The following PLCB1 variants were observed in gnomAD, a reference collection of about 807,000 sequenced individuals.
PLCB1 encodes 1-phosphatidylinositol 4,5-bisphosphate phosphodiesterase beta-1.
A neutral mutation model predicts 161.8 loss-of-function variants in PLCB1; 46 were observed. That is an observed-to-expected ratio of 0.28 (90% CI 0.22 to 0.36). PLCB1 has a LOEUF of 0.36. Ranked by LOEUF, PLCB1 falls within the 10% of genes least tolerant of loss-of-function variation. PLCB1 has a pLI of 1.00. For missense variants in PLCB1, 1,016 were observed against 1,472.5 expected, an observed-to-expected ratio of 0.69 and a Z score of 5.07; for synonymous variants, 517 against 503.7, an observed-to-expected ratio of 1.03 and a Z score of -0.35.
At chr20:8,318,736 A>G (rs1342228732) in intron 2 of PLCB1, among the ~76,000 whole-genome samples, 1 of 152,204 alleles carries the variant, frequency 6.6e-6, no homozygotes, top group Admixed American at 6.5e-5. Context: ...AAAGCAACTA[A>G]GAAAAAATTG....
intron 31 of PLCB1, among the ~76,000 whole-genome samples, chr20:8,864,420 G>T (rs6086663): frequency 0.3 from 45,060 of 151,816 alleles, 7,682 homozygotes; most frequent in East Asian, 0.67. Flanking sequence ...ATTATTTTAT[G>T]TTTCACATTC....
intron 27 of PLCB1, among the ~76,000 whole-genome samples, chr20:8,774,964 CTT>C (rs1739534069): frequency 6.6e-6 from 1 of 151,970 alleles, no homozygotes; most frequent in South Asian, 2.1e-4. Flanking sequence ...TTTTCACTAA[CTT>C]ATGTTGAGTT....
chr20:8,169,716 A>C (rs928348593), intron 2 of PLCB1, among the ~76,000 whole-genome samples: 1 of 152,154 alleles, frequency 6.6e-6, no homozygotes, highest in Non-Finnish European at 1.5e-5. Flanking sequence ...TCAGACTCCC[A>C]GGAACTTGGA....
At chr20:8,508,930 G>A (rs1433433099) in intron 3 of PLCB1, among the ~76,000 whole-genome samples, 1 of 152,170 alleles carries the variant, frequency 6.6e-6, no homozygotes, top group African/African-American at 2.4e-5. Context: ...GAATTGCCAG[G>A]AAACAATGAC....
chr20:8,164,686 A>C (rs10485721), intron 2 of PLCB1, among the ~76,000 whole-genome samples: 23,964 of 152,184 alleles, frequency 0.16, 2,357 homozygotes, highest in Admixed American at 0.24. Context: ...CAAGGATGTA[A>C]TATCTGGACT....
intron 2 of PLCB1, among the ~76,000 whole-genome samples, chr20:8,211,973 T>C (rs1978848491): frequency 6.6e-6 from 1 of 152,158 alleles, no homozygotes; most frequent in Non-Finnish European, 1.5e-5. Flanking sequence ...GAAATATGAA[T>C]GTCATTGTTT....
rs944568932 is a variant in PLCB1, at chr20:8,874,004, A to C, written c.3424-7618A>C. Among the ~76,000 whole-genome samples the C allele has an allele frequency of 2.6e-5, 4 of 152,072 alleles. No homozygotes were observed. The South Asian group carries it at 8.3e-4, about 31-fold the overall frequency. On this transcript the variant is annotated intron_variant, in intron 31 of 31. Coordinates refer to ENST00000338037, the MANE Select transcript of PLCB1 (RefSeq NM_015192.4). ...AGTGTTAAAAGACTATAAGGAATTA[A>C]ATTTTAAATATATGCAGCATGTATT...
At chr20:8,139,847 C>T (rs1013542359) in intron 1 of PLCB1, among the ~76,000 whole-genome samples, 1 of 152,178 alleles carries the variant, frequency 6.6e-6, no homozygotes, top group African/African-American at 2.4e-5. Context: ...AAAATCTGGA[C>T]TTCTAAAGCT....
chr20:8,202,745 T>C (rs1978328225), intron 2 of PLCB1, among the ~76,000 whole-genome samples: 1 of 152,144 alleles, frequency 6.6e-6, no homozygotes, highest in African/African-American at 2.4e-5. Flanking sequence ...GTAGATGGTT[T>C]GCCTGCAATA....
At chr20:8,189,265 GA>G (rs1402046333) in intron 2 of PLCB1, among the ~76,000 whole-genome samples, 1 of 151,058 alleles carries the variant, frequency 6.6e-6, no homozygotes, top group Non-Finnish European at 1.5e-5. Flanking sequence ...AGAGTTGGGG[GA>G]TGGGTAACTA....
At chr20:8,661,690 C>T (rs76102005) in intron 9 of PLCB1, among the ~76,000 whole-genome samples, 5,068 of 151,650 alleles carry the variant, frequency 0.033, 123 homozygotes, top group Middle Eastern at 0.065. Flanking sequence ...TTTAGTTCAG[C>T]GCACACTAGT....
At chr20:8,657,599 C>T (rs1284084291) in intron 8 of PLCB1, among the ~76,000 whole-genome samples, 4 of 151,958 alleles carry the variant, frequency 2.6e-5, no homozygotes, top group Non-Finnish European at 4.4e-5. Context: ...AGACTCATGT[C>T]GCAGGAAGAA....
chr20:8,838,675 T>C (rs947864755), intron 31 of PLCB1, among the ~76,000 whole-genome samples: 3 of 152,200 alleles, frequency 2.0e-5, no homozygotes, highest in African/African-American at 7.2e-5. Context: ...TCCTGAAGGA[T>C]GGCAGAGATT....
At chr20:8,712,982 C>G (rs1205846125) in intron 12 of PLCB1, among the ~76,000 whole-genome samples, 2 of 152,126 alleles carry the variant, frequency 1.3e-5, no homozygotes, top group East Asian at 3.9e-4. Flanking sequence ...TTCTGCAGTT[C>G]TGACCTGCAA....
chr20:8,350,750 T>C (rs866997304), intron 2 of PLCB1, among the ~76,000 whole-genome samples: 21 of 152,274 alleles, frequency 1.4e-4, no homozygotes, highest in African/African-American at 2.6e-4. Context: ...AAATTACTGT[T>C]AAAAATATCA....
chr20:8,451,090 T>C (rs1018303279), intron 3 of PLCB1, among the ~76,000 whole-genome samples: 1 of 152,168 alleles, frequency 6.6e-6, no homozygotes, highest in African/African-American at 2.4e-5. Context: ...AATATATAGA[T>C]TGTACATTTG....
chr20:8,290,367 G>A (rs1429306138), intron 2 of PLCB1, among the ~76,000 whole-genome samples: 1 of 152,166 alleles, frequency 6.6e-6, no homozygotes, highest in East Asian at 1.9e-4. Flanking sequence ...AGAGGAGGAA[G>A]CCAAATAGGG....
chr20:8,254,792 G>A (rs1981327046), intron 2 of PLCB1, among the ~76,000 whole-genome samples: 1 of 152,022 alleles, frequency 6.6e-6, no homozygotes, highest in Admixed American at 6.6e-5. Flanking sequence ...CAGGACATGG[G>A]AAAATGGTGT....
At chr20:8,306,920 C>T (rs975839762) in intron 2 of PLCB1, among the ~76,000 whole-genome samples, 1 of 152,206 alleles carries the variant, frequency 6.6e-6, no homozygotes, top group African/African-American at 2.4e-5. Context: ...ACATTCTTAA[C>T]AAGGTGGTTT....
Sources: gnomAD v4.1 joint callset for allele counts (sites outside exome capture counted in the v4.1 genomes callset) on GRCh38, gnomAD v4.1.1 for gene constraint, MANE v1.5 for transcripts, NCBI Gene and HGNC (gene_info 2026-07-23, HGNC 2026-07-21) for gene names.